KAZN: variants seen among roughly 807,000 people sequenced by gnomAD.
The protein encoded by KAZN is kazrin, periplakin interacting protein.
KAZN carries 40 observed loss-of-function variants against 87.4 expected under a neutral mutation model. The observed-to-expected ratio is 0.46, with a 90% CI of 0.36 to 0.60. KAZN has a LOEUF of 0.60. Ranked by LOEUF, KAZN falls within the 20% of genes least tolerant of loss-of-function variation. The pLI is 0.00. For missense variants in KAZN, 898 were observed against 1,073.9 expected, an observed-to-expected ratio of 0.84 and a Z score of 2.29; for synonymous variants, 466 against 458.3, an observed-to-expected ratio of 1.02 and a Z score of -0.22.
At chr1:14,297,059 C>T (rs1464111539) in intron 2 of KAZN, among the ~76,000 whole-genome samples, 1 of 152,140 alleles carries the variant, frequency 6.6e-6, no homozygotes, top group Non-Finnish European at 1.5e-5. Flanking sequence ...GGCCCTCTGG[C>T]TGAGTCATGT....
chr1:14,757,713 T>A (rs762554370), intron 1 of KAZN, among the ~76,000 whole-genome samples: 2 of 152,188 alleles, frequency 1.3e-5, no homozygotes, highest in African/African-American at 4.8e-5. Context: ...GGCACTGTGA[T>A]GTCATGTGGT....
At chr1:14,766,214 G>T (rs1644879650) in intron 1 of KAZN, among the ~76,000 whole-genome samples, 1 of 152,206 alleles carries the variant, frequency 6.6e-6, no homozygotes, top group African/African-American at 2.4e-5. Flanking sequence ...AGGTTTTCCA[G>T]TTGAGGGTCA....
At chr1:14,837,789 G>A (rs1186532161) in intron 1 of KAZN, among the ~76,000 whole-genome samples, 6 of 150,872 alleles carry the variant, frequency 4.0e-5, no homozygotes, top group Admixed American at 4.0e-4. Flanking sequence ...TCCTGGATTC[G>A]AGCAATCCCT....
chr1:14,775,322 A>G (rs1557477096), intron 1 of KAZN, among the ~76,000 whole-genome samples: 1 of 152,256 alleles, frequency 6.6e-6, no homozygotes, highest in Non-Finnish European at 1.5e-5. Flanking sequence ...CTAGGCAGTC[A>G]CTGTGCTAAG....
intron 2 of KAZN, among the ~76,000 whole-genome samples, chr1:14,388,317 A>T (rs750958542): frequency 6.6e-6 from 1 of 152,218 alleles, no homozygotes; most frequent in East Asian, 1.9e-4. Context: ...AGCTGTTTCT[A>T]TTCAGACATC....
At chr1:13,954,106 T>C (rs1460039139) in intron 1 of KAZN, among the ~76,000 whole-genome samples, 2 of 152,260 alleles carry the variant, frequency 1.3e-5, no homozygotes, top group South Asian at 2.1e-4. Flanking sequence ...CAACAAAAAC[T>C]GCAGTTTAAA....
At chr1:14,630,744 T>C (rs1296503360) in intron 1 of KAZN, among the ~76,000 whole-genome samples, 1 of 152,150 alleles carries the variant, frequency 6.6e-6, no homozygotes, top group Admixed American at 6.5e-5. Context: ...AGAGAAGTCA[T>C]GAACTCTGAA....
At chr1:14,779,089 A>G (rs1192385001) in intron 1 of KAZN, among the ~76,000 whole-genome samples, 1 of 152,126 alleles carries the variant, frequency 6.6e-6, no homozygotes, top group Non-Finnish European at 1.5e-5. Flanking sequence ...CTCAGCCTCA[A>G]ATTTACCCAG....
chr1:14,606,012 C>T (rs1174550317), intron 1 of KAZN, among the ~76,000 whole-genome samples: 3 of 152,322 alleles, frequency 2.0e-5, no homozygotes, highest in African/African-American at 4.8e-5. Flanking sequence ...GTACCATGCT[C>T]GTACCCATTT....
At chr1:14,723,838 G>A (rs897663363) in intron 1 of KAZN, among the ~76,000 whole-genome samples, 10 of 152,146 alleles carry the variant, frequency 6.6e-5, no homozygotes, top group Middle Eastern at 3.4e-3. Context: ...TACTTTACTG[G>A]GCACCTCCTA....
chr1:14,489,335 CTATA>C (rs1229706369), intron 2 of KAZN, among the ~76,000 whole-genome samples: 8 of 152,012 alleles, frequency 5.3e-5, no homozygotes, highest in African/African-American at 1.9e-4. Flanking sequence ...TCAACTATAT[CTATA>C]TAAATCGGGA....
chr1:14,694,784 G>A (rs1422848544), intron 1 of KAZN, among the ~76,000 whole-genome samples: 1 of 152,204 alleles, frequency 6.6e-6, no homozygotes. Flanking sequence ...TTACAGAGCT[G>A]TTGAAAGGAC....
intron 2 of KAZN, among the ~76,000 whole-genome samples, chr1:14,446,432 G>A (rs1204789617): frequency 1.3e-5 from 2 of 152,110 alleles, no homozygotes; most frequent in Non-Finnish European, 1.5e-5. Flanking sequence ...AGGATGAATG[G>A]AAAATATCTT....
intron 1 of KAZN, among the ~76,000 whole-genome samples, chr1:14,932,616 G>A (rs1011394884): frequency 1.3e-5 from 2 of 152,130 alleles, no homozygotes; most frequent in Admixed American, 6.5e-5. Flanking sequence ...AGGCTCATGA[G>A]TGTTTCCAAG....
chr1:14,164,534 CTTTTTTTT>C (rs1168650321), intron 1 of KAZN, among the ~76,000 whole-genome samples: 8 of 93,780 alleles, frequency 8.5e-5, no homozygotes, highest in African/African-American at 2.6e-4. Flanking sequence ...TGAGTTTCCT[CTTTTTTTT>C]TTTTTTTTTT....
chr1:14,083,124 A>C (rs1330058146), intron 1 of KAZN, among the ~76,000 whole-genome samples: 1 of 152,186 alleles, frequency 6.6e-6, no homozygotes. Flanking sequence ...TTAAAAGTCC[A>C]GGCTGTCCCC....
intron 2 of KAZN, among the ~76,000 whole-genome samples, chr1:14,324,934 A>G (rs943378148): frequency 2.0e-5 from 3 of 149,862 alleles, no homozygotes; most frequent in African/African-American, 7.6e-5. Flanking sequence ...ATAGCACAGG[A>G]ACCACCATAA....
At chr1:14,834,738 A>G (rs376071853) in intron 1 of KAZN, among the ~76,000 whole-genome samples, 151 of 152,314 alleles carry the variant, frequency 9.9e-4, no homozygotes, top group African/African-American at 3.4e-3. Flanking sequence ...CACTGGAAAT[A>G]TAAGAGTGGA....
At chr1:13,906,958 C>T (rs72639046) in intron 1 of KAZN, among the ~76,000 whole-genome samples, 114 of 152,258 alleles carry the variant, frequency 7.5e-4, no homozygotes, top group Non-Finnish European at 1.1e-3. Flanking sequence ...TAAGGCTTCC[C>T]GCCTGTGCAA....
Sources: gnomAD v4.1 joint callset for allele counts (sites outside exome capture counted in the v4.1 genomes callset) on GRCh38, gnomAD v4.1.1 for gene constraint, MANE v1.5 for transcripts, NCBI Gene and HGNC (gene_info 2026-07-23, HGNC 2026-07-21) for gene names.